Variants in ECPAS observed in about 807,000 individuals in gnomAD.
ECPAS encodes the protein Ecm29 proteasome adaptor and scaffold, also known as proteasome adapter and scaffold protein ECM29.
Under a neutral mutation model 255.1 loss-of-function variants are expected in ECPAS, and 70 were observed. That is an observed-to-expected ratio of 0.27 (90% CI 0.23 to 0.33). The LOEUF (loss-of-function observed/expected upper bound fraction) is 0.33. ECPAS is among the 10% of genes least tolerant of loss of function. ECPAS has a pLI of 1.00. For missense variants in ECPAS, 1,817 were observed against 2,206.4 expected, an observed-to-expected ratio of 0.82 and a Z score of 3.54; for synonymous variants, 784 against 775.0, an observed-to-expected ratio of 1.01 and a Z score of -0.19.
At chr9:111,413,064 C>A (rs894408378) in intron 20 of ECPAS, among the ~76,000 whole-genome samples, 3 of 152,154 alleles carry the variant, frequency 2.0e-5, no homozygotes, top group African/African-American at 7.2e-5. Context: ...GGGACAGGGA[C>A]ACCCTCATAC....
intron 7 of ECPAS, among the ~76,000 whole-genome samples, chr9:111,435,140 C>A (rs1432235622): frequency 6.6e-6 from 1 of 151,952 alleles, no homozygotes; most frequent in Non-Finnish European, 1.5e-5. Flanking sequence ...CTCAAGTGAT[C>A]CACCCACCTC....
intron 35 of ECPAS, among the ~76,000 whole-genome samples, chr9:111,382,782 C>G (rs1371701529): frequency 6.6e-6 from 1 of 152,178 alleles, no homozygotes; most frequent in Non-Finnish European, 1.5e-5. Flanking sequence ...AAACTAGAAT[C>G]CTACACTATT....
intron 3 of ECPAS, among the ~76,000 whole-genome samples, chr9:111,450,754 C>A (rs532536364): frequency 7.9e-5 from 12 of 152,174 alleles, no homozygotes; most frequent in African/African-American, 2.6e-4. Flanking sequence ...AAAGCGAAAC[C>A]CTGTCTCCAC....
intron 12 of ECPAS, among the ~76,000 whole-genome samples, chr9:111,425,014 C>G (rs1048482548): frequency 3.3e-5 from 5 of 151,980 alleles, no homozygotes; most frequent in Admixed American, 2.6e-4. Flanking sequence ...GCCAACCCAT[C>G]TCTACTAAAA....
chr9:111,373,462 T>C (rs1367588150), intron 39 of ECPAS, 56 bp from the exon 40 acceptor site: 2 of 1,468,964 alleles, frequency 1.4e-6, no homozygotes, highest in African/African-American at 2.8e-5. Context: ...TGTTCCACTC[T>C]GTTCCCAGAA....
chr9:111,377,943 A>G (rs1256361828), intron 36 of ECPAS, among the ~76,000 whole-genome samples: 1 of 152,090 alleles, frequency 6.6e-6, no homozygotes, highest in Non-Finnish European at 1.5e-5. Context: ...TCAGGAGATC[A>G]AGACCATCCT....
At chr9:111,397,241 T>C in intron 24 of ECPAS, 88 bp from the exon 25 acceptor site, 7 of 1,528,238 alleles carry the variant, frequency 4.6e-6, no homozygotes, top group Non-Finnish European at 6.2e-6. Context: ...AAAAGTGTGG[T>C]TCTGAGCATG....
At chr9:111,367,190 C>T (rs1467730022) in intron 46 of ECPAS, among the ~76,000 whole-genome samples, 1 of 152,152 alleles carries the variant, frequency 6.6e-6, no homozygotes, top group Non-Finnish European at 1.5e-5. Context: ...GAAAACTCAA[C>T]AACGAAGTTA....
chr9:111,392,959 G>A lies in ECPAS; in HGVS notation c.2978-77C>T. On this transcript the variant is annotated intron_variant, in intron 27 of 49. Transcript: ENST00000684092. The stretch of plus-strand genomic sequence containing the variant: ...TTGCTATGAAATCAAAATTTTTAAA[G>A]TTATGTTGACACTGACCCAAAATGA... The A allele has an allele frequency of 3.3e-6, 3 of 900,524 alleles. No individual in the cohort carries two copies. In the Admixed American group the frequency reaches 7.5e-5, roughly 23 times the overall value. 55.8% of individuals were successfully genotyped at this position (900,524 alleles called of 1,614,324 possible).
Position 111,484,264 on chromosome 9 carries a change from A to T in ECPAS, c.-231T>A. The T allele has an allele frequency of 3.3e-6, 5 of 1,504,610 alleles. No homozygotes were observed. The highest frequency in any genetic ancestry group is 4.4e-6 in the Non-Finnish European group (5 of 1,130,908). The allele number at this position is 1,504,610 out of a possible 1,614,324, so 93.2% of individuals were successfully genotyped here. ...GGGCCGAGCGGGCCCGGGCTGCCCT[A>T]GCGGCCGGGGGAAATCCTCGAGGCG... is the stretch of plus-strand genomic sequence containing the variant. On this transcript the variant is annotated 5_prime_UTR_variant, in exon 1 of 50. Transcript: ENST00000684092.
chr9:111,415,043 G>A (rs1471405243), intron 18 of ECPAS, among the ~76,000 whole-genome samples: 1 of 152,104 alleles, frequency 6.6e-6, no homozygotes, highest in Non-Finnish European at 1.5e-5. Context: ...AGGAGAGAGG[G>A]TGGGAGGAGG....
Position 111,369,103 on chromosome 9 carries a change from T to G in ECPAS, c.5045A>C (p.Gln1682Pro), listed in dbSNP as rs150000268. ...AAAGGCACCCAGCAGATATTCCAGC[T>G]GGAGCTCCTTTTCCTTTTCATTCTC... Reference protein sequence around the residue: ...EEENEKEKELQLEYLLGAFES... With the variant: ...EEENEKEKELPLEYLLGAFES... The change falls in exon 46 of 50, where the codon CAG (glutamine) becomes CCG (proline). Residue 1682 changes from glutamine to proline, a missense_variant. Around this residue, in one of 4 missense-constraint regions of ECPAS, gnomAD observed 960 missense variants for 1,179.0 expected, o/e 0.81. Transcript: ENST00000684092. The G allele has an allele frequency of 3.7e-5, 59 of 1,607,614 alleles. No individual in the cohort carries two copies. In the African/African-American group the frequency reaches 7.7e-4, roughly 21 times the overall value.
chr9:111,444,238 T>TAA (rs79373091), intron 4 of ECPAS, 140 bp downstream of exon 4: 4,203 of 488,446 alleles, frequency 8.6e-3, no homozygotes, highest in East Asian at 0.016. Flanking sequence ...GTGTGTCATT[T>TAA]AAAAAAAAAA....
intron 2 of ECPAS, among the ~76,000 whole-genome samples, chr9:111,469,516 C>T (rs955038648): frequency 1.3e-5 from 2 of 150,058 alleles, no homozygotes; most frequent in African/African-American, 2.5e-5. Flanking sequence ...GGCGACAGTA[C>T]GAGACTCCGT....
intron 2 of ECPAS, among the ~76,000 whole-genome samples, chr9:111,468,683 C>A (rs1216060625): frequency 7.6e-6 from 1 of 132,444 alleles, no homozygotes; most frequent in Non-Finnish European, 1.7e-5. Context: ...CATGTCCAAG[C>A]TCAAACGTGT....
Position 111,408,684 on chromosome 9 carries a change from C to T in ECPAS, c.2551-12G>A, listed in dbSNP as rs202190934. 1.3e-6 allele frequency: 2 copies of T among 1,520,388 alleles called. No individual in the cohort carries two copies. The highest frequency in any genetic ancestry group is 2.4e-5 in the East Asian group (1 of 42,004). 94.2% of individuals were successfully genotyped at this position (1,520,388 alleles called of 1,614,324 possible). On this transcript the variant is annotated splice_polypyrimidine_tract_variant and intron_variant, in intron 23 of 49. Coordinates refer to ENST00000684092, the MANE Select transcript of ECPAS (RefSeq NM_001364929.1). ...GCTCGTTCTTTCATCTGGAAGAACA[C>T]CAAATTTTTTTCTTTTAAACAGAGT...
At chr9:111,384,648 C>T (rs1589129163) in intron 33 of ECPAS, 79 bp from the exon 34 acceptor site, 3 of 1,256,752 alleles carry the variant, frequency 2.4e-6, no homozygotes, top group Non-Finnish European at 3.5e-6. Flanking sequence ...AATTTAATTG[C>T]CTCAGGCCCT....
At chr9:111,434,612 C>CA (rs973680782) in intron 7 of ECPAS, among the ~76,000 whole-genome samples, 3 of 121,304 alleles carry the variant, frequency 2.5e-5, no homozygotes, top group Non-Finnish European at 4.9e-5. Context: ...TTTTTTGAGA[C>CA]AGAGTCTCCC....
intron 7 of ECPAS, among the ~76,000 whole-genome samples, chr9:111,434,430 T>A (rs936949607): frequency 1.3e-5 from 2 of 152,168 alleles, no homozygotes; most frequent in Admixed American, 1.3e-4. Flanking sequence ...ATTACTTTTT[T>A]AAAAATCCAA....
Sources: gnomAD v4.1 joint callset for allele counts (sites outside exome capture counted in the v4.1 genomes callset) on GRCh38, gnomAD v4.1.1 for gene constraint, gnomAD v4.1.1 regional missense constraint, MANE v1.5 for transcripts, NCBI Gene and HGNC (gene_info 2026-07-23, HGNC 2026-07-21) for gene names.